KDM4C: variants seen among roughly 807,000 people sequenced by gnomAD.
KDM4C encodes lysine-specific demethylase 4C.
In KDM4C, 81 loss-of-function variants were observed where a neutral mutation model predicts 129.3. The ratio of observed to expected loss-of-function variants is 0.63; its 90% CI spans 0.52 to 0.75. The LOEUF is 0.75. Among genes scored for constraint, KDM4C ranks in the 30% least tolerant of loss-of-function variants. KDM4C has a pLI of 0.00. For synonymous variants in KDM4C, 573 were observed against 456.1 expected, an observed-to-expected ratio of 1.26 and a Z score of -3.26; for missense variants, 1,457 against 1,304.0, an observed-to-expected ratio of 1.12 and a Z score of -1.81.
intron 14 of KDM4C, among the ~76,000 whole-genome samples, chr9:7,015,514 T>G (rs547405437): frequency 2.1e-4 from 32 of 152,296 alleles, no homozygotes; most frequent in Middle Eastern, 6.8e-3. Context: ...TTAAAAATAT[T>G]AGGTTAAAAT....
chr9:7,026,575 G>T (rs1276636313), intron 15 of KDM4C, among the ~76,000 whole-genome samples: 1 of 151,880 alleles, frequency 6.6e-6, no homozygotes, highest in African/African-American at 2.4e-5. Context: ...TCTTCTTTGG[G>T]TTAGATCTGC....
rs150179697 is a variant in KDM4C, at chr9:6,725,566, C to A, written c.49+4569C>A. On this transcript the variant is annotated intron_variant, in intron 1 of 17. Transcript: ENST00000536108. ...GCAATGGCACGATCTTGGCTCACTGCAACCTCTGTCTCCCCGGATCAAGCA... is the reference window on the plus strand; with the variant it reads ...GCAATGGCACGATCTTGGCTCACTGAAACCTCTGTCTCCCCGGATCAAGCA... 8.2e-3 allele frequency among the ~76,000 whole-genome samples: 1,243 copies of A among 152,250 alleles called. 12 individuals carry two copies. Among genetic ancestry groups the A allele is most frequent in the African/African-American group, 0.028 (1,171 of 41,556 alleles).
intron 2 of KDM4C, among the ~76,000 whole-genome samples, chr9:6,796,465 G>A (rs1053070825): frequency 1.3e-5 from 2 of 152,084 alleles, no homozygotes; most frequent in African/African-American, 4.8e-5. Context: ...TTTTGTTTCC[G>A]GAAAACATGT....
At chr9:6,837,874 A>G (rs1010588165) in intron 4 of KDM4C, among the ~76,000 whole-genome samples, 7 of 151,768 alleles carry the variant, frequency 4.6e-5, no homozygotes, top group South Asian at 2.1e-4. Flanking sequence ...GTTTTTTTGT[A>G]TTTCTCATTG....
At chr9:7,054,072 G>A (rs1057315682) in intron 17 of KDM4C, among the ~76,000 whole-genome samples, 1 of 152,206 alleles carries the variant, frequency 6.6e-6, no homozygotes, top group Non-Finnish European at 1.5e-5. Flanking sequence ...AGTTATCCTT[G>A]TGGCAAGTCC....
intron 1 of KDM4C, among the ~76,000 whole-genome samples, chr9:6,788,212 AC>A: frequency 1.3e-5 from 2 of 152,178 alleles, no homozygotes; most frequent in South Asian, 4.1e-4. Context: ...CATAGCATGT[AC>A]TTTTTATTGT....
chr9:7,157,037 G>A (rs1270636313), intron 19 of KDM4C, among the ~76,000 whole-genome samples: 1 of 152,092 alleles, frequency 6.6e-6, no homozygotes, highest in Non-Finnish European at 1.5e-5. Flanking sequence ...GTTGAGCAGT[G>A]GTTTGTAGTT....
chr9:6,962,033 T>A (rs944913525), intron 8 of KDM4C, among the ~76,000 whole-genome samples: 1 of 152,206 alleles, frequency 6.6e-6, no homozygotes, highest in Non-Finnish European at 1.5e-5. Context: ...TATGTACTTA[T>A]GTCAGAGTCG....
At chr9:7,042,235 A>T (rs1828724127) in intron 15 of KDM4C, among the ~76,000 whole-genome samples, 1 of 152,020 alleles carries the variant, frequency 6.6e-6, no homozygotes. Flanking sequence ...AAGAGTAATA[A>T]ATGGCAGAAC....
At chr9:6,973,516 G>A (rs113883305) in intron 8 of KDM4C, among the ~76,000 whole-genome samples, 3,014 of 152,244 alleles carry the variant, frequency 0.02, 107 homozygotes, top group African/African-American at 0.069. Flanking sequence ...TTTTCGACAT[G>A]GCTGCTAAAT....
At chr9:6,850,731 C>G (rs1215150016) in intron 5 of KDM4C, among the ~76,000 whole-genome samples, 1 of 151,374 alleles carries the variant, frequency 6.6e-6, no homozygotes, top group East Asian at 2.0e-4. Context: ...CACACCCAGC[C>G]AATGTATTTT....
intron 8 of KDM4C, among the ~76,000 whole-genome samples, chr9:6,958,157 G>A (rs1341416885): frequency 6.6e-6 from 1 of 151,258 alleles, no homozygotes; most frequent in African/African-American, 2.4e-5. Context: ...CTCCAACCAG[G>A]TGTTTCCAAA....
At chr9:6,890,201 G>A (rs2130870877) in intron 7 of KDM4C, among the ~76,000 whole-genome samples, 1 of 152,346 alleles carries the variant, frequency 6.6e-6, no homozygotes, top group East Asian at 1.9e-4. Flanking sequence ...AGCACAGGCT[G>A]CAGGATTAAA....
chr9:6,768,779 C>CT (rs538200535), intron 1 of KDM4C, among the ~76,000 whole-genome samples: 14 of 146,204 alleles, frequency 9.6e-5, no homozygotes, highest in East Asian at 4.0e-4. Flanking sequence ...GTTTTTCTTT[C>CT]TTTTTTTTTT....
At chr9:7,038,883 A>G (rs1828094688) in intron 15 of KDM4C, among the ~76,000 whole-genome samples, 2 of 152,002 alleles carry the variant, frequency 1.3e-5, no homozygotes, top group Admixed American at 6.6e-5. Context: ...TCATGTGCTT[A>G]CTGGCAATGA....
intron 19 of KDM4C, among the ~76,000 whole-genome samples, chr9:7,134,126 A>G (rs954495364): frequency 6.6e-6 from 1 of 152,194 alleles, no homozygotes; most frequent in African/African-American, 2.4e-5. Context: ...CATTTGCCAG[A>G]GAAGGCTTTG....
intron 4 of KDM4C, among the ~76,000 whole-genome samples, chr9:6,831,413 G>C (rs1834798187): frequency 6.6e-6 from 1 of 151,600 alleles, no homozygotes; most frequent in East Asian, 1.9e-4. Flanking sequence ...TGTCGGCCAG[G>C]CTCACTGCAA....
At chr9:6,798,769 G>A (rs1169582333) in intron 2 of KDM4C, among the ~76,000 whole-genome samples, 29 of 152,290 alleles carry the variant, frequency 1.9e-4, no homozygotes, top group Non-Finnish European at 3.8e-4. Context: ...CCTCCCAGAC[G>A]GGGTGGTGGC....
intron 12 of KDM4C, among the ~76,000 whole-genome samples, chr9:7,004,149 T>C (rs1312522865): frequency 3.9e-5 from 6 of 152,170 alleles, no homozygotes; most frequent in African/African-American, 1.4e-4. Flanking sequence ...ATCTGCTGAG[T>C]TCCATCCACA....
Sources: gnomAD v4.1 joint callset for allele counts (sites outside exome capture counted in the v4.1 genomes callset) on GRCh38, gnomAD v4.1.1 for gene constraint, MANE v1.5 for transcripts, NCBI Gene and HGNC (gene_info 2026-07-23, HGNC 2026-07-21) for gene names.